ANK2: variants seen among roughly 807,000 people sequenced by gnomAD.
ANK2 encodes ankyrin-2.
A neutral mutation model predicts 360.5 loss-of-function variants in ANK2; 83 were observed. The ratio of observed to expected loss-of-function variants is 0.23; its 90% CI spans 0.19 to 0.28. The LOEUF is 0.28. Among genes scored for constraint, ANK2 ranks in the 10% least tolerant of loss-of-function variants. The pLI is 1.00. For synonymous variants in ANK2, 1,740 were observed against 1,759.5 expected (o/e 0.99, Z 0.28); for missense variants, 4,201 against 4,795.7 (o/e 0.88, Z 3.66).
intron 14 of ANK2, among the ~76,000 whole-genome samples, chr4:113,270,419 A>G (rs566339558): frequency 5.3e-5 from 8 of 152,296 alleles, no homozygotes; most frequent in Non-Finnish European, 4.4e-5. Flanking sequence ...CCTTTAAAAT[A>G]TTAATTAATT....
intron 24 of ANK2, chr4:113,313,784 G>GGGC (rs1168902451): frequency 1.4e-4 from 21 of 149,038 alleles, no homozygotes; most frequent in African/African-American, 4.6e-4. Context: ...GTGTGTTGCC[G>GGGC]GGGCGGGGGG....
intron 2 of ANK2, among the ~76,000 whole-genome samples, chr4:113,032,456 T>G (rs1482205759): frequency 6.6e-6 from 1 of 152,014 alleles, no homozygotes; most frequent in Non-Finnish European, 1.5e-5. Context: ...TTCACCCTTT[T>G]AACTGTTATT....
At chr4:113,119,006 T>C (rs560724181) in intron 1 of ANK2, among the ~76,000 whole-genome samples, 2 of 152,220 alleles carry the variant, frequency 1.3e-5, no homozygotes, top group East Asian at 3.9e-4. Context: ...CAAACCTTGA[T>C]AAAAACAGAA....
At chr4:112,847,622 C>T (rs2063631054) in intron 1 of ANK2, among the ~76,000 whole-genome samples, 1 of 152,100 alleles carries the variant, frequency 6.6e-6, no homozygotes, top group South Asian at 2.1e-4. Flanking sequence ...TCTGTAATGA[C>T]CTTCCATTTG....
At position 113,027,771 on chromosome 4, in the gene ANK2, AATCT is replaced by A. The variant is rs150309490; in HGVS notation, c.21+123264_21+123267del. 3.1e-3 allele frequency among the ~76,000 whole-genome samples: 470 copies of A among 152,246 alleles called. 24 individuals carry two copies. In the East Asian group the frequency reaches 0.083, roughly 27 times the overall value. On this transcript the variant is annotated intron_variant, in intron 2 of 30. Transcript: ENST00000503271. ...ATATAAATAAATATAAATAAATAGA[AATCT>A]ATCTATTTGTTGAAATTTTCTCAAA...
intron 1 of ANK2, chr4:112,827,141 C>T: frequency 8.9e-7 from 1 of 1,117,748 alleles, no homozygotes; most frequent in Non-Finnish European, 1.4e-6. Context: ...CATTGAATGA[C>T]TACTTACAAG....
intron 2 of ANK2, among the ~76,000 whole-genome samples, chr4:112,995,633 G>A (rs1232545155): frequency 6.6e-6 from 1 of 152,004 alleles, no homozygotes. Context: ...TTTTGTTGCA[G>A]TTGCTTTTGG....
At chr4:113,226,561 T>C (rs1190676111) in intron 4 of ANK2, among the ~76,000 whole-genome samples, 1 of 152,186 alleles carries the variant, frequency 6.6e-6, no homozygotes, top group Admixed American at 6.5e-5. Flanking sequence ...TTAAAAAAAC[T>C]AATTATATAG....
In ANK2 at chr4:113,025,156, C is replaced by T. The variant is rs191763796; in HGVS notation, c.21+120642C>T. Among the ~76,000 whole-genome samples, 7 of 149,792 alleles carry T rather than the reference C, an allele frequency of 4.7e-5. No individual in the cohort carries two copies. The East Asian group carries it at 1.5e-3, about 31-fold the overall frequency. On this transcript the variant is annotated intron_variant, in intron 2 of 30. Coordinates refer to the ANK2 transcript ENST00000503271. ...AACTAGTCATATTGATCTTTTCTGC[C>T]CCCTGCCCCAATTTTCCTTAAACAT...
At chr4:112,808,683 G>C in the ANK2 span, among the ~76,000 whole-genome samples, 9 of 152,178 alleles carry the variant, frequency 5.9e-5, no homozygotes, top group South Asian at 1.5e-3. Context: ...AGACAATAAT[G>C]ACTTTGAAAA....
At chr4:113,048,255 T>C (rs1367065090), upstream of ANK2, among the ~76,000 whole-genome samples, 2 of 67,942 alleles carry the variant, frequency 2.9e-5, no homozygotes, top group East Asian at 7.0e-4. Flanking sequence ...TGTGTATATA[T>C]ATATATATAT....
At chr4:113,072,727 T>C (rs1462720335) in intron 1 of ANK2, among the ~76,000 whole-genome samples, 2 of 148,500 alleles carry the variant, frequency 1.3e-5, no homozygotes, top group African/African-American at 5.0e-5. Flanking sequence ...TCCCTTAAAA[T>C]AGACACTTGG....
Position 113,258,330 on chromosome 4 carries a change from A to G in ANK2, c.1305A>G (p.Ile435Met). The change falls in exon 13 of 46, where the codon ATA (isoleucine) becomes ATG (methionine). Residue 435 changes from isoleucine to methionine, a missense_variant. By Grantham distance (10) the Ile-to-Met change is conservative (BLOSUM62 1). Transcript: ENST00000357077. ...TTTCGCAGTCTGGCCTCACACCAAT[A>G]CATGTGGCTGCCTTCATGGGCCACT... ...QAITESGLTP[I>M]HVAAFMGHLN... 1 of 1,614,074 alleles carries G rather than the reference A, an allele frequency of 6.2e-7. No homozygotes were observed. Among genetic ancestry groups the G allele is most frequent in the Non-Finnish European group, 8.5e-7 (1 of 1,180,018 alleles).
chr4:113,106,571 G>A (rs939786773), intron 1 of ANK2, among the ~76,000 whole-genome samples: 2 of 152,106 alleles, frequency 1.3e-5, no homozygotes, highest in Non-Finnish European at 1.5e-5. Flanking sequence ...TGCTGACACC[G>A]CATGGAAAAT....
chr4:113,009,326 T>C (rs935660307), intron 2 of ANK2, among the ~76,000 whole-genome samples: 3 of 152,192 alleles, frequency 2.0e-5, no homozygotes, highest in Non-Finnish European at 4.4e-5. Flanking sequence ...TTTAAATATA[T>C]ATTCACTATT....
chr4:113,141,120 C>T (rs1046755645), intron 1 of ANK2: 3 of 152,106 alleles, frequency 2.0e-5, no homozygotes, highest in Non-Finnish European at 2.9e-5. Flanking sequence ...TGTTTCCAGG[C>T]GACAGTTAGT....
At chr4:112,822,340 C>A (rs1369123798) in intron 1 of ANK2, among the ~76,000 whole-genome samples, 20 of 149,006 alleles carry the variant, frequency 1.3e-4, no homozygotes, top group Non-Finnish European at 2.5e-4. Context: ...ATCTCTTGAA[C>A]CTGGGAGGCA....
intron 1 of ANK2, among the ~76,000 whole-genome samples, chr4:113,155,707 T>A (rs1338172803): frequency 6.6e-6 from 1 of 152,120 alleles, no homozygotes; most frequent in Admixed American, 6.5e-5. Context: ...ACTTTTTGAT[T>A]TCTATAACAA....
intron 2 of ANK2, among the ~76,000 whole-genome samples, chr4:112,920,481 A>G (rs1328495858): frequency 6.6e-6 from 1 of 152,270 alleles, no homozygotes; most frequent in Non-Finnish European, 1.5e-5. Flanking sequence ...GATGTAGAAT[A>G]TAACACTAAA....
Sources: gnomAD v4.1 joint callset for allele counts (sites outside exome capture counted in the v4.1 genomes callset) on GRCh38, gnomAD v4.1.1 for gene constraint, MANE v1.5 for transcripts, NCBI Gene and HGNC (gene_info 2026-07-23, HGNC 2026-07-21) for gene names.